MALRD1: variants seen among roughly 807,000 people sequenced by gnomAD.
MALRD1 encodes the protein MAM and LDL-receptor class A domain-containing protein 1.
MALRD1 carries 247 observed loss-of-function variants against 242.1 expected under a neutral mutation model. That is an observed-to-expected ratio of 1.02 (90% CI 0.92 to 1.13). The LOEUF (loss-of-function observed/expected upper bound fraction) is 1.13, where lower values mean the gene tolerates loss of function less well. MALRD1 is among the 50% of genes most tolerant of loss of function. The probability of loss-of-function intolerance (pLI) is 0.00; values close to 1 mark genes in which losing one functional copy is unlikely to be tolerated. For missense variants in MALRD1, 2,989 were observed against 2,533.1 expected (o/e 1.18, Z -3.86); for synonymous variants, 995 against 866.6 (o/e 1.15, Z -2.60).
intron 18 of MALRD1, among the ~76,000 whole-genome samples, chr10:19,212,255 C>A (rs1361309618): frequency 3.9e-5 from 6 of 152,108 alleles, no homozygotes; most frequent in African/African-American, 1.2e-4. Flanking sequence ...TCATTCCTGG[C>A]CCTTAACAAC....
intron 36 of MALRD1, among the ~76,000 whole-genome samples, chr10:19,646,357 A>C (rs1840655439): frequency 6.6e-6 from 1 of 152,248 alleles, no homozygotes; most frequent in Non-Finnish European, 1.5e-5. Context: ...TAATGGCAGC[A>C]CTTCGGGAGG....
chr10:19,075,539 G>A (rs80247938), intron 2 of MALRD1, among the ~76,000 whole-genome samples: 321 of 152,140 alleles, frequency 2.1e-3, no homozygotes, highest in Middle Eastern at 0.01. Context: ...TCTAAAAGTG[G>A]AGAACAATCA....
chr10:19,712,843 G>T (rs1273870783), intron 38 of MALRD1, among the ~76,000 whole-genome samples: 22 of 152,250 alleles, frequency 1.4e-4, no homozygotes, highest in African/African-American at 5.1e-4. Flanking sequence ...GCCAGCAAAA[G>T]CATGTTGAAT....
At chr10:19,654,250 G>A (rs941242557) in intron 36 of MALRD1, among the ~76,000 whole-genome samples, 4 of 151,962 alleles carry the variant, frequency 2.6e-5, no homozygotes, top group African/African-American at 9.7e-5. Flanking sequence ...ACTAAGCCAC[G>A]ATTAAGAAAA....
intron 31 of MALRD1, among the ~76,000 whole-genome samples, chr10:19,528,569 G>A (rs1433643310): frequency 2.6e-5 from 4 of 152,082 alleles, no homozygotes; most frequent in African/African-American, 9.7e-5. Context: ...CTCCAGCCTG[G>A]CGACAGAGCA....
intron 28 of MALRD1, among the ~76,000 whole-genome samples, chr10:19,415,377 GAATT>G (rs572522556): frequency 2.5e-3 from 383 of 152,130 alleles, no homozygotes; most frequent in Non-Finnish European, 4.0e-3. Context: ...TCCCCCTTGT[GAATT>G]ATTAGACAAA....
intron 36 of MALRD1, among the ~76,000 whole-genome samples, chr10:19,691,068 G>T (rs1777285080): frequency 6.6e-6 from 1 of 152,022 alleles, no homozygotes; most frequent in Non-Finnish European, 1.5e-5. Flanking sequence ...ATACCAGTGT[G>T]TGCACGTGTG....
rs191939291 is a variant in MALRD1 at position 19,388,036 on chromosome 10, T to C, written c.4687+263T>C. Among the ~76,000 whole-genome samples, 6 of 152,300 alleles carry C rather than the reference T, an allele frequency of 3.9e-5. No individual in the cohort carries two copies. In the East Asian group the frequency reaches 9.7e-4, roughly 25 times the overall value. ...AGATATTGGCAATGGTGATTCCTTCTGAGGGTTGTGAGGGAGCATGATCTC... is the reference window on the plus strand; with the variant it reads ...AGATATTGGCAATGGTGATTCCTTCCGAGGGTTGTGAGGGAGCATGATCTC... On this transcript the variant is annotated intron_variant, in intron 27 of 39. Coordinates refer to ENST00000454679, the MANE Select transcript of MALRD1 (RefSeq NM_001142308.3).
chr10:19,426,653 A>G (rs1833913871), intron 28 of MALRD1, among the ~76,000 whole-genome samples: 1 of 152,056 alleles, frequency 6.6e-6, no homozygotes, highest in African/African-American at 2.4e-5. Context: ...AACACAAAAA[A>G]TTAGCTGGGC....
intron 18 of MALRD1, among the ~76,000 whole-genome samples, chr10:19,216,162 G>T (rs1457696511): frequency 2.9e-5 from 4 of 135,622 alleles, no homozygotes; most frequent in Non-Finnish European, 6.1e-5. Context: ...CTGTCACCCA[G>T]GCTGGAGTGC....
chr10:19,278,971 C>T (rs72796453), intron 19 of MALRD1, among the ~76,000 whole-genome samples: 13,129 of 152,136 alleles, frequency 0.086, 731 homozygotes, highest in Middle Eastern at 0.13. Flanking sequence ...GACGATTCAC[C>T]ACCAAACTGG....
chr10:19,299,755 A>G (rs1841864239), intron 21 of MALRD1, among the ~76,000 whole-genome samples: 1 of 151,938 alleles, frequency 6.6e-6, no homozygotes. Flanking sequence ...GCAGACGCAC[A>G]GACAACATAA....
intron 21 of MALRD1, among the ~76,000 whole-genome samples, chr10:19,314,207 C>A (rs754098643): frequency 1.3e-5 from 2 of 151,460 alleles, no homozygotes; most frequent in South Asian, 4.1e-4. Context: ...TACTGGGCAT[C>A]CAGCTATGTA....
chr10:19,553,540 A>T (rs1367354352), intron 32 of MALRD1, among the ~76,000 whole-genome samples: 1 of 152,110 alleles, frequency 6.6e-6, no homozygotes, highest in East Asian at 1.9e-4. Context: ...CTAGTGTTTA[A>T]ATCCCCTATT....
At chr10:19,719,246 A>ATG (rs1264659279) in intron 38 of MALRD1, among the ~76,000 whole-genome samples, 6 of 134,414 alleles carry the variant, frequency 4.5e-5, no homozygotes, top group Non-Finnish European at 9.4e-5. Context: ...ATATATATAT[A>ATG]TATATATATA....
intron 4 of MALRD1, among the ~76,000 whole-genome samples, chr10:19,100,829 G>A (rs1033351269): frequency 2.0e-4 from 30 of 152,028 alleles, no homozygotes; most frequent in Non-Finnish European, 2.9e-4. Flanking sequence ...AAAAACCAGA[G>A]ACATGTGATA....
intron 36 of MALRD1, among the ~76,000 whole-genome samples, chr10:19,626,740 A>T (rs1041856101): frequency 3.3e-5 from 5 of 152,052 alleles, no homozygotes; most frequent in Non-Finnish European, 7.4e-5. Context: ...GAAAAAAAAA[A>T]AATGAACAAA....
chr10:19,652,707 C>T (rs1291555281), intron 36 of MALRD1, among the ~76,000 whole-genome samples: 1 of 152,124 alleles, frequency 6.6e-6, no homozygotes, highest in Non-Finnish European at 1.5e-5. Flanking sequence ...AAATTGTATA[C>T]CCTGTGATTG....
rs76656567 is a variant in MALRD1, at chr10:19,495,848, A to T, written c.5159-2637A>T. On this transcript the variant is annotated intron_variant, in intron 30 of 39. Coordinates refer to ENST00000454679, the MANE Select transcript of MALRD1 (RefSeq NM_001142308.3). ...AGAGACCCATCTCACACTCAGTGAC[A>T]CCCGTAGGCTCAAAATAAAGGGAAG... 5.9e-3 allele frequency among the ~76,000 whole-genome samples: 893 copies of T among 152,322 alleles called. 14 individuals carry two copies. Among genetic ancestry groups the T allele is most frequent in the Admixed American group, 0.023 (347 of 15,292 alleles).
Sources: gnomAD v4.1 joint callset for allele counts (sites outside exome capture counted in the v4.1 genomes callset) on GRCh38, gnomAD v4.1.1 for gene constraint, MANE v1.5 for transcripts, NCBI Gene and HGNC (gene_info 2026-07-23, HGNC 2026-07-21) for gene names.